MEGF8: variants seen among roughly 807,000 people sequenced by gnomAD.
MEGF8 encodes the protein multiple epidermal growth factor-like domains protein 8.
In MEGF8, 156 loss-of-function variants were observed where a neutral mutation model predicts 302.9. The ratio of observed to expected loss-of-function variants is 0.52; its 90% CI spans 0.45 to 0.59. The LOEUF (loss-of-function observed/expected upper bound fraction) is 0.59. Among genes scored for constraint, MEGF8 ranks in the 20% least tolerant of loss-of-function variants. The pLI is 0.00. For synonymous variants in MEGF8, 1,621 were observed against 1,660.5 expected (o/e 0.98, Z 0.58); for missense variants, 3,345 against 3,964.5 (o/e 0.84, Z 4.20).
At position 42,354,571 on chromosome 19, in the gene MEGF8, A is replaced by T; in HGVS notation, c.4012-17A>T. ...CATCCTCATTGTCTCCTAATCCTCG[A>T]TTCTGCACCCCTCTAGCTGAGCTAC... On this transcript the variant is annotated splice_polypyrimidine_tract_variant and intron_variant, in intron 22 of 41. Transcript: ENST00000251268. The surrounding 1 kb of genome is among the most constrained non-coding windows in gnomAD (Gnocchi z 4.3). 6.2e-7 allele frequency: 1 copy of T among 1,606,048 alleles called. No individual in the cohort carries two copies. The highest frequency in any genetic ancestry group is 8.5e-7 in the Non-Finnish European group (1 of 1,174,872).
rs1459323596 is a variant in MEGF8, at chr19:42,349,710, A to G, written c.2499+11A>G. 1.2e-6 allele frequency: 2 copies of G among 1,607,880 alleles called. No individual in the cohort carries two copies. The highest frequency in any genetic ancestry group is 3.3e-5 in the Admixed American group (2 of 59,964). On this transcript the variant is annotated intron_variant, in intron 14 of 41. Transcript: ENST00000251268. ...GTGCCAGGAGGCAGCGTGAGTACCC[A>G]GGACCTACCTCCAACCCTAGCCGCA...
intron 41 of MEGF8, 126 bp downstream of exon 41, chr19:42,371,608 G>GTGC: frequency 7.5e-7 from 1 of 1,341,614 alleles, no homozygotes; most frequent in Admixed American, 1.9e-5. Context: ...TTGGGATCAA[G>GTGC]TGCAGCTTGA....
rs2039522258 is a variant in MEGF8 at position 42,360,912 on chromosome 19, C to T, written c.5626C>T (p.Pro1876Ser). 1 of 1,612,880 alleles carries T rather than the reference C, an allele frequency of 6.2e-7. No individual in the cohort carries two copies. Among genetic ancestry groups the T allele is most frequent in the East Asian group, 2.2e-5 (1 of 44,862 alleles). Residue 1876 changes from proline (P) to serine (S), a missense_variant, in exon 32 of 42, where the codon CCC becomes TCC. Pro to Ser is a moderately conservative substitution (Grantham distance 74). Coordinates refer to ENST00000251268, the MANE Select transcript of MEGF8 (RefSeq NM_001271938.2). The stretch of plus-strand genomic sequence containing the variant: ...GCTGGCACTGACCCTGCCCCCTGAC[C>T]CCTGCCGCCTGCTGTCCTCACCTGA... Reference protein sequence around the residue: ...RLLALTLPPDPCRLLSSPEAC... With the variant: ...RLLALTLPPDSCRLLSSPEAC...
intron 8 of MEGF8, among the ~76,000 whole-genome samples, chr19:42,338,026 A>G (rs985434063): frequency 2.6e-5 from 4 of 151,604 alleles, no homozygotes; most frequent in Admixed American, 1.3e-4. Context: ...GGCCAGTCTC[A>G]AACTCCTGAC....
At chr19:42,329,539 A>G (rs535659533) in intron 1 of MEGF8, among the ~76,000 whole-genome samples, 1 of 152,278 alleles carries the variant, frequency 6.6e-6, no homozygotes, top group Admixed American at 6.5e-5. Context: ...CTTACCTATA[A>G]GAACCAACAT....
rs2039766705 is a variant in MEGF8, at chr19:42,376,135, C to T, written c.7898C>T (p.Ser2633Leu). Residue 2633 changes from serine (S) to leucine (L), a missense_variant, in exon 42 of 42, where the codon TCG becomes TTG. Coordinates refer to ENST00000251268, the MANE Select transcript of MEGF8 (RefSeq NM_001271938.2). This position sits in a 1 kb window ranked among gnomAD's most constrained non-coding sequence, Gnocchi z 8.2. The stretch of plus-strand genomic sequence containing the variant: ...CCCGGCGCCAACGGCTCAGCCGACT[C>T]GCAGGGCCTGCTCTTCTTCCGGCAG... ...SGPGANGSAD[S>L]QGLLFFRQDQ... 8 of 1,608,950 alleles carry T rather than the reference C, an allele frequency of 5.0e-6. No homozygotes were observed. The highest frequency in any genetic ancestry group is 1.3e-5 in the African/African-American group (1 of 75,062).
rs865944985 is a variant in MEGF8, at chr19:42,352,270, A to G, written c.3164A>G (p.Glu1055Gly). Residue 1055 changes from glutamate to glycine, a missense_variant, in exon 19 of 42, where the codon GAG (glutamate) becomes GGG (glycine). Physicochemically the swap from Glu to Gly is moderately conservative, Grantham distance 98. Transcript: ENST00000251268. The surrounding 1 kb of genome is among the most constrained non-coding windows in gnomAD (Gnocchi z 4.4). ...GGGNCSLWVG[E>G]GLGLPVALPA... ...GGTAACTGCTCCCTGTGGGTGGGGG[A>G]GGGCCTGGGGCTTCCCGTGGCCCTC... 6.4e-7 allele frequency: 1 copy of G among 1,561,932 alleles called. No homozygotes were observed. Among genetic ancestry groups the G allele is most frequent in the Non-Finnish European group, 8.7e-7 (1 of 1,152,174 alleles).
At position 42,369,492 on chromosome 19, in the gene MEGF8, G is replaced by A. The variant is rs200726424; in HGVS notation, c.6642-39G>A. 4.8e-4 allele frequency: 765 copies of A among 1,579,820 alleles called. 9 individuals are homozygous for A. The highest frequency in any genetic ancestry group is 2.7e-5 in the Non-Finnish European group (31 of 1,165,268). On this transcript the variant is annotated intron_variant, in intron 37 of 41. Coordinates refer to ENST00000251268, the MANE Select transcript of MEGF8 (RefSeq NM_001271938.2). This position sits in a 1 kb window ranked among gnomAD's most constrained non-coding sequence, Gnocchi z 5.7. ...GTGCTAGGCCATGAAGCCACGAGGA[G>A]GGTGGCCACCTGCCCTGACCCCCAC...
rs1432598486 is a variant in MEGF8 at position 42,375,258 on chromosome 19, C to A, written c.7270-249C>A. On this transcript the variant is annotated intron_variant, in intron 41 of 41. Coordinates refer to ENST00000251268, the MANE Select transcript of MEGF8 (RefSeq NM_001271938.2). The surrounding 1 kb of genome is among the most constrained non-coding windows in gnomAD (Gnocchi z 7.1). ...CTGTGCCTCAGAGTGCCAGAGGCCT[C>A]AGTATCAGGGTGCTCAGGTCACTAG... Among the ~76,000 whole-genome samples the A allele has an allele frequency of 6.6e-6, 1 of 152,176 alleles. No individual in the cohort carries two copies.
intron 8 of MEGF8, among the ~76,000 whole-genome samples, chr19:42,339,046 C>T (rs905256029): frequency 6.6e-6 from 1 of 151,820 alleles, no homozygotes; most frequent in African/African-American, 2.4e-5. Flanking sequence ...GTTGGCTAGG[C>T]TGGTCTCAAA....
At chr19:42,338,789 G>A (rs1051486651) in intron 8 of MEGF8, among the ~76,000 whole-genome samples, 3 of 137,936 alleles carry the variant, frequency 2.2e-5, no homozygotes, top group Admixed American at 1.5e-4. Context: ...TGATGTATAC[G>A]TACCACATTT....
intron 12 of MEGF8, among the ~76,000 whole-genome samples, chr19:42,346,284 T>TG (rs992220601): frequency 1.8e-4 from 27 of 152,250 alleles, no homozygotes; most frequent in African/African-American, 5.8e-4. Context: ...CTGGGCACGG[T>TG]GGCTCACGCC....
chr19:42,328,107 G>A (rs1375341537), intron 1 of MEGF8, among the ~76,000 whole-genome samples: 1 of 152,128 alleles, frequency 6.6e-6, no homozygotes, highest in African/African-American at 2.4e-5. Context: ...CAAAAACATA[G>A]AATACAAGAC....
intron 13 of MEGF8, among the ~76,000 whole-genome samples, chr19:42,349,168 C>T (rs2039332394): frequency 6.6e-6 from 1 of 152,050 alleles, no homozygotes; most frequent in Non-Finnish European, 1.5e-5. Flanking sequence ...GCCATGGTAG[C>T]ATGCACCTGT....
Position 42,376,723 on chromosome 19 carries a change from C to A in MEGF8, c.8486C>A (p.Ala2829Glu). ...GGGGGCAGTGGGCATGGGACTGGTGCGGGCCGGAAGGGACTGTTGAGCCAG... is the reference window on the plus strand; with the variant it reads ...GGGGGCAGTGGGCATGGGACTGGTGAGGGCCGGAAGGGACTGTTGAGCCAG... ...GAGGSGHGTG[A>E]GRKGLLSQDN... The change falls in exon 42 of 42, where the codon GCG (alanine) becomes GAG (glutamate). Residue 2829 changes from alanine to glutamate, a missense_variant. Coordinates refer to ENST00000251268, the MANE Select transcript of MEGF8 (RefSeq NM_001271938.2). This position sits in a 1 kb window ranked among gnomAD's most constrained non-coding sequence, Gnocchi z 8.2. The A allele has an allele frequency of 6.7e-7, 1 of 1,491,416 alleles. No individual in the cohort carries two copies. The highest frequency in any genetic ancestry group is 1.3e-5 in the South Asian group (1 of 75,576). 92.4% of individuals were successfully genotyped at this position (1,491,416 alleles called of 1,614,324 possible). A position where few individuals can be genotyped will look rare whatever the true frequency, so the allele number is the denominator to read the frequency against.
At position 42,357,085 on chromosome 19, in the gene MEGF8, C is replaced by G; in HGVS notation, c.4830+104C>G. The stretch of plus-strand genomic sequence containing the variant: ...TCCATCCCCAGAGGAAACAGAAGCC[C>G]CAAACTTGAATTTCCTCGGCCATCC... On this transcript the variant is annotated intron_variant, in intron 27 of 41. Transcript: ENST00000251268. The surrounding 1 kb of genome is among the most constrained non-coding windows in gnomAD (Gnocchi z 5.2). The G allele has an allele frequency of 1.6e-6, 2 of 1,252,414 alleles. No homozygotes were observed. Among genetic ancestry groups the G allele is most frequent in the South Asian group, 3.0e-5 (2 of 66,592 alleles). 77.6% of individuals were successfully genotyped at this position (1,252,414 alleles called of 1,614,324 possible).
At chr19:42,332,998 A>G (rs1343250007) in intron 1 of MEGF8, among the ~76,000 whole-genome samples, 11 of 152,224 alleles carry the variant, frequency 7.2e-5, no homozygotes, top group Admixed American at 7.2e-4. Context: ...ACATAAGCTC[A>G]GGCAGTCTGG....
rs1342883829 is a variant in MEGF8, at chr19:42,343,933, TG to T, written c.1669-20del. 1.8e-5 allele frequency: 29 copies of T among 1,609,934 alleles called. No individual in the cohort carries two copies. Among genetic ancestry groups the T allele is most frequent in the Non-Finnish European group, 2.5e-5 (29 of 1,177,674 alleles). On this transcript the variant is annotated intron_variant, in intron 9 of 41. Transcript: ENST00000251268. ...TCCTCCGTCCCCTTGCCTCCCCCTCTGTCCCCTTGCCTCCCTGCAGTACCAC... is the reference window on the plus strand; with the variant it reads ...TCCTCCGTCCCCTTGCCTCCCCCTCTTCCCCTTGCCTCCCTGCAGTACCAC...
At chr19:42,364,087 G>A (rs577482657) in intron 35 of MEGF8, among the ~76,000 whole-genome samples, 9 of 152,312 alleles carry the variant, frequency 5.9e-5, no homozygotes, top group Admixed American at 3.9e-4. Flanking sequence ...AACGTGGCAC[G>A]TCAGATCTAG....
Sources: allele counts gnomAD v4.1 joint callset (sites outside exome capture counted in the v4.1 genomes callset), GRCh38; gene constraint gnomAD v4.1.1; non-coding constraint Gnocchi (gnomAD v3.1); transcripts MANE v1.5; gene names NCBI Gene and HGNC (gene_info 2026-07-23, HGNC 2026-07-21).